KIAA1217: variants seen among roughly 807,000 people sequenced by gnomAD.
KIAA1217 encodes sickle tail protein homolog.
Under a neutral mutation model 163.9 loss-of-function variants are expected in KIAA1217, and 88 were observed. That is an observed-to-expected ratio of 0.54 (90% CI 0.45 to 0.64). The LOEUF (loss-of-function observed/expected upper bound fraction) is 0.64. KIAA1217 is among the 30% of genes least tolerant of loss of function. The probability of loss-of-function intolerance (pLI) is 0.00; values close to 1 mark genes in which losing one functional copy is unlikely to be tolerated. For missense variants in KIAA1217, 2,372 were observed against 2,475.0 expected, an observed-to-expected ratio of 0.96 and a Z score of 0.88; for synonymous variants, 903 against 923.1, an observed-to-expected ratio of 0.98 and a Z score of 0.39.
chr10:24,005,959 G>A (rs1160565050), intron 1 of KIAA1217, among the ~76,000 whole-genome samples: 1 of 152,034 alleles, frequency 6.6e-6, no homozygotes. Context: ...TCATGTTGTT[G>A]GTAAAGAAAC....
chr10:24,083,436 T>A (rs2131662812), intron 2 of KIAA1217, among the ~76,000 whole-genome samples: 1 of 152,326 alleles, frequency 6.6e-6, no homozygotes, highest in East Asian at 1.9e-4. Context: ...GTATTGGTTT[T>A]ATGAAAAAGT....
chr10:23,810,573 CTATA>C (rs886504296), intron 1 of KIAA1217, among the ~76,000 whole-genome samples: 141 of 125,590 alleles, frequency 1.1e-3, no homozygotes, highest in African/African-American at 3.9e-3. Context: ...ATAGTATAAT[CTATA>C]TATAATATAT....
intron 2 of KIAA1217, chr10:24,239,044 C>A (rs1347826241): frequency 2.2e-6 from 1 of 446,294 alleles, no homozygotes; most frequent in Non-Finnish European, 3.0e-6. Context: ...GGCATGTCGG[C>A]AGGTGGGGTT....
At chr10:23,855,082 G>A (rs538159317) in intron 1 of KIAA1217, among the ~76,000 whole-genome samples, 91 of 152,158 alleles carry the variant, frequency 6.0e-4, no homozygotes, top group East Asian at 5.8e-3. Flanking sequence ...TATTTTGCTC[G>A]TTAGTTGATG....
intron 1 of KIAA1217, among the ~76,000 whole-genome samples, chr10:23,806,225 G>C (rs940274094): frequency 2.0e-5 from 3 of 152,022 alleles, no homozygotes; most frequent in African/African-American, 7.2e-5. Flanking sequence ...TGAGGAGAAT[G>C]TTCCGCCGTT....
At chr10:24,373,179 C>T (rs182649718) in intron 2 of KIAA1217, among the ~76,000 whole-genome samples, 64 of 152,292 alleles carry the variant, frequency 4.2e-4, no homozygotes, top group Non-Finnish European at 7.6e-4. Flanking sequence ...TGGTTCCACC[C>T]ACTCTAAGCA....
At chr10:24,167,953 A>G (rs1408724143) in intron 2 of KIAA1217, among the ~76,000 whole-genome samples, 2 of 152,204 alleles carry the variant, frequency 1.3e-5, no homozygotes, top group African/African-American at 4.8e-5. Flanking sequence ...CAATCCTGAG[A>G]TAACGTTGCC....
At chr10:24,510,328 C>T (rs1053247286) in intron 9 of KIAA1217, among the ~76,000 whole-genome samples, 11 of 152,018 alleles carry the variant, frequency 7.2e-5, no homozygotes, top group African/African-American at 2.7e-4. Context: ...TGTTAATATC[C>T]ACTATCTAAC....
At chr10:23,923,566 A>T (rs1363780417) in intron 1 of KIAA1217, among the ~76,000 whole-genome samples, 1 of 152,154 alleles carries the variant, frequency 6.6e-6, no homozygotes, top group Non-Finnish European at 1.5e-5. Context: ...TACACACAGG[A>T]TAGGGTGATG....
chr10:23,845,555 A>G (rs1838984705), intron 1 of KIAA1217, among the ~76,000 whole-genome samples: 1 of 152,140 alleles, frequency 6.6e-6, no homozygotes, highest in South Asian at 2.1e-4. Context: ...GTGTCTGTTC[A>G]TATCCTTTGC....
intron 3 of KIAA1217, among the ~76,000 whole-genome samples, chr10:24,383,333 C>G (rs968481580): frequency 1.3e-5 from 2 of 152,158 alleles, no homozygotes; most frequent in Non-Finnish European, 2.9e-5. Flanking sequence ...TTGACTCTGT[C>G]GGATAATGGA....
intron 1 of KIAA1217, among the ~76,000 whole-genome samples, chr10:23,798,556 T>TTTTG (rs1018971195): frequency 6.7e-4 from 102 of 152,322 alleles, no homozygotes; most frequent in African/African-American, 2.3e-3. Context: ...ATAGTAGTTT[T>TTTTG]TTTGTTTGTT....
At chr10:23,862,685 G>A (rs536941531) in intron 1 of KIAA1217, among the ~76,000 whole-genome samples, 43 of 152,180 alleles carry the variant, frequency 2.8e-4, no homozygotes, top group African/African-American at 9.4e-4. Flanking sequence ...AATTCCCAAT[G>A]AGGAGAGTGG....
intron 15 of KIAA1217, 126 bp downstream of exon 15, chr10:24,532,119 C>T: frequency 5.1e-6 from 4 of 782,266 alleles, no homozygotes; most frequent in Non-Finnish European, 7.2e-6. Context: ...CACAAGATCC[C>T]CAGGAAGCAC....
In KIAA1217 at chr10:24,145,742, C is replaced by T. The variant is rs531476728; in HGVS notation, c.-170-73884C>T. On this transcript the variant is annotated intron_variant, in intron 2 of 18. Coordinates refer to the KIAA1217 transcript ENST00000376462. ...GCCCGAGAGCCCCTGACAAACCATT[C>T]GTGTTAAGTCCAAGAGTCCAAAAGC... Among the ~76,000 whole-genome samples the T allele has an allele frequency of 1.9e-4, 29 of 152,336 alleles. No homozygotes were observed. The South Asian group carries it at 5.4e-3, about 28-fold the overall frequency.
At chr10:24,263,464 G>C (rs2075911173) in intron 2 of KIAA1217, among the ~76,000 whole-genome samples, 1 of 152,198 alleles carries the variant, frequency 6.6e-6, no homozygotes, top group Non-Finnish European at 1.5e-5. Context: ...CCCCAGGACA[G>C]AACGGCATGA....
At chr10:23,702,851 C>T (rs1407742216) in intron 1 of KIAA1217, among the ~76,000 whole-genome samples, 5 of 152,162 alleles carry the variant, frequency 3.3e-5, no homozygotes, top group Admixed American at 1.3e-4. Flanking sequence ...ATGTAGCCTC[C>T]GGAGTAGCTG....
chr10:24,241,347 A>G (rs2073070356), intron 2 of KIAA1217, among the ~76,000 whole-genome samples: 1 of 152,226 alleles, frequency 6.6e-6, no homozygotes, highest in East Asian at 1.9e-4. Flanking sequence ...CAAAATGTTA[A>G]GTATGCCAAA....
At chr10:24,409,347 G>A (rs887247685) in intron 3 of KIAA1217, among the ~76,000 whole-genome samples, 3 of 152,190 alleles carry the variant, frequency 2.0e-5, no homozygotes, top group Non-Finnish European at 4.4e-5. Flanking sequence ...AATGAAAGAA[G>A]CCAGACCAAA....
Sources: allele counts gnomAD v4.1 joint callset (sites outside exome capture counted in the v4.1 genomes callset), GRCh38; gene constraint gnomAD v4.1.1; transcripts MANE v1.5; gene names NCBI Gene and HGNC (gene_info 2026-07-23, HGNC 2026-07-21).